The following GFRA1 variants were observed in gnomAD, a reference collection of about 807,000 sequenced individuals.
GFRA1 encodes the protein GDNF family receptor alpha 1.
A neutral mutation model predicts 51.6 loss-of-function variants in GFRA1; 16 were observed. The ratio of observed to expected loss-of-function variants is 0.31; its 90% CI spans 0.21 to 0.47. The LOEUF is 0.47. Among genes scored for constraint, GFRA1 ranks in the 20% least tolerant of loss-of-function variants. GFRA1 has a pLI of 1.00. For synonymous variants in GFRA1, 270 were observed against 241.3 expected (o/e 1.12, Z -1.10); for missense variants, 530 against 594.3 (o/e 0.89, Z 1.13).
intron 6 of GFRA1, among the ~76,000 whole-genome samples, chr10:116,107,326 C>G (rs936141266): frequency 6.6e-6 from 1 of 152,172 alleles, no homozygotes; most frequent in Non-Finnish European, 1.5e-5. Context: ...ACCCTGAGAC[C>G]TTATGAAATC....
At chr10:116,233,797 A>C (rs1415953230) in intron 4 of GFRA1, among the ~76,000 whole-genome samples, 1 of 152,102 alleles carries the variant, frequency 6.6e-6, no homozygotes, top group East Asian at 1.9e-4. Flanking sequence ...TAACAAACAC[A>C]CTTGATGTTT....
Position 116,075,546 on chromosome 10 carries a change from A to AT in GFRA1, c.1198-9921dup, listed in dbSNP as rs541414947. On this transcript the variant is annotated intron_variant, in intron 9 of 10. Transcript: ENST00000355422. ...GATGATAAATCCAAGGACCAAAGAG[A>AT]TTAAGCTACTCTCCATCTTAGCCTG... 9.0e-4 allele frequency among the ~76,000 whole-genome samples: 137 copies of AT among 152,232 alleles called. No individual in the cohort carries two copies. In the South Asian group the frequency reaches 0.013, roughly 15 times the overall value.
At chr10:116,112,247 G>C (rs571553538) in intron 6 of GFRA1, among the ~76,000 whole-genome samples, 2 of 152,188 alleles carry the variant, frequency 1.3e-5, no homozygotes, top group South Asian at 2.1e-4. Flanking sequence ...CGTTCTTGGA[G>C]AGGTGGCATT....
intron 5 of GFRA1, among the ~76,000 whole-genome samples, chr10:116,159,407 A>G (rs1368265465): frequency 1.3e-5 from 2 of 152,162 alleles, no homozygotes; most frequent in Non-Finnish European, 2.9e-5. Context: ...CAGAGCCTTT[A>G]TATGCTACCA....
At chr10:116,194,423 T>A (rs758188504) in intron 5 of GFRA1, among the ~76,000 whole-genome samples, 1 of 152,188 alleles carries the variant, frequency 6.6e-6, no homozygotes, top group Non-Finnish European at 1.5e-5. Context: ...AGACACTCTG[T>A]TTTCTAATTT....
chr10:116,202,630 C>G (rs995947512), intron 5 of GFRA1, among the ~76,000 whole-genome samples: 1 of 152,072 alleles, frequency 6.6e-6, no homozygotes, highest in Non-Finnish European at 1.5e-5. Context: ...GAAGGGGAAG[C>G]AAGCATGTCT....
At position 116,060,449 on chromosome 10, in the gene GFRA1, G is replaced by C. The variant is rs1380594873; in HGVS notation, c.*3949C>G. On this transcript the variant is annotated 3_prime_UTR_variant, in exon 11 of 11. Coordinates refer to ENST00000355422, the MANE Select transcript of GFRA1 (RefSeq NM_005264.8). ...TGTTTCGTTAGAAGGTCCCTGTTCT[G>C]ATCAGTAAGGAACATCAGCGGACTC... is the stretch of plus-strand genomic sequence containing the variant. 1 of 152,184 alleles carries C rather than the reference G, an allele frequency of 6.6e-6. No homozygotes were observed. Among genetic ancestry groups the C allele is most frequent in the Admixed American group, 6.5e-5 (1 of 15,274 alleles). The allele number at this position is 152,184 out of a possible 1,614,324, so 9.4% of individuals were successfully genotyped here.
chr10:116,083,965 C>T (rs987907327), intron 9 of GFRA1, among the ~76,000 whole-genome samples: 1 of 152,220 alleles, frequency 6.6e-6, no homozygotes. Flanking sequence ...TGACACGACT[C>T]TGGGGAGATA....
At chr10:116,147,039 TGTGTGAGA>T (rs754838704) in intron 5 of GFRA1, among the ~76,000 whole-genome samples, 13 of 147,178 alleles carry the variant, frequency 8.8e-5, no homozygotes, top group South Asian at 6.5e-4. Context: ...TGTGTGTGTG[TGTGTGAGA>T]GAGAGAGAGA....
At chr10:116,115,503 T>C (rs1454889305) in intron 6 of GFRA1, among the ~76,000 whole-genome samples, 1 of 148,942 alleles carries the variant, frequency 6.7e-6, no homozygotes, top group African/African-American at 2.4e-5. Flanking sequence ...AGCCCTGCCC[T>C]GCCCTCCAGG....
intron 5 of GFRA1, among the ~76,000 whole-genome samples, chr10:116,152,701 G>A (rs1959111040): frequency 6.6e-6 from 1 of 152,208 alleles, no homozygotes; most frequent in South Asian, 2.1e-4. Flanking sequence ...GCCCTCAGCA[G>A]CAGTTGGGTA....
intron 4 of GFRA1, among the ~76,000 whole-genome samples, chr10:116,214,700 C>T (rs1352119764): frequency 2.0e-5 from 3 of 152,176 alleles, no homozygotes; most frequent in East Asian, 1.9e-4. Flanking sequence ...CTTTGAAATA[C>T]GGATTCAGTC....
chr10:116,138,627 T>C (rs545173964), intron 5 of GFRA1, among the ~76,000 whole-genome samples: 48 of 151,052 alleles, frequency 3.2e-4, no homozygotes, highest in Admixed American at 5.3e-4. Context: ...CAAAGCAAGA[T>C]GGTAGGAACC....
chr10:116,228,472 A>C (rs1249523790), intron 4 of GFRA1, among the ~76,000 whole-genome samples: 1 of 152,132 alleles, frequency 6.6e-6, no homozygotes, highest in Non-Finnish European at 1.5e-5. Context: ...ATCTGTGAAG[A>C]GGTTACTTTA....
intron 5 of GFRA1, among the ~76,000 whole-genome samples, chr10:116,165,353 T>C (rs1461687618): frequency 1.4e-5 from 2 of 146,124 alleles, no homozygotes; most frequent in Non-Finnish European, 2.9e-5. Flanking sequence ...GGTCCATTTC[T>C]CTCCTTATAA....
At chr10:116,190,204 C>A (rs1345712265) in intron 5 of GFRA1, among the ~76,000 whole-genome samples, 1 of 152,200 alleles carries the variant, frequency 6.6e-6, no homozygotes, top group Admixed American at 6.5e-5. Flanking sequence ...GCTGGCAATT[C>A]CCCTGCACTC....
intron 5 of GFRA1, among the ~76,000 whole-genome samples, chr10:116,205,971 A>ACAC (rs1565650617): frequency 1.1e-5 from 1 of 93,406 alleles, no homozygotes; most frequent in Non-Finnish European, 2.5e-5. Context: ...CACACACACA[A>ACAC]AGTGAATCTA....
intron 5 of GFRA1, among the ~76,000 whole-genome samples, chr10:116,206,074 C>T (rs573517108): frequency 6.6e-6 from 1 of 152,116 alleles, no homozygotes; most frequent in East Asian, 1.9e-4. Context: ...TTTACTGAAA[C>T]ATTTGCACAG....
chr10:116,174,337 G>T (rs1206060305), intron 5 of GFRA1, among the ~76,000 whole-genome samples: 2 of 152,150 alleles, frequency 1.3e-5, no homozygotes, highest in African/African-American at 4.8e-5. Flanking sequence ...CAGACAAAAT[G>T]AGCTAATTTT....
Sources: allele counts gnomAD v4.1 joint callset (sites outside exome capture counted in the v4.1 genomes callset), GRCh38; gene constraint gnomAD v4.1.1; transcripts MANE v1.5; gene names NCBI Gene and HGNC (gene_info 2026-07-23, HGNC 2026-07-21).